ARHGEF28: variants seen among roughly 807,000 people sequenced by gnomAD.
The protein encoded by ARHGEF28 is 190 kDa guanine nucleotide exchange factor.
ARHGEF28 carries 152 observed loss-of-function variants against 206.6 expected under a neutral mutation model. The observed-to-expected ratio is 0.74, with a 90% CI of 0.64 to 0.84. ARHGEF28 has a LOEUF of 0.84. Among genes scored for constraint, ARHGEF28 ranks in the 40% least tolerant of loss-of-function variants. The pLI, the probability that ARHGEF28 is intolerant of heterozygous loss-of-function variation, is 0.00. For missense variants in ARHGEF28, 2,028 were observed against 2,073.2 expected (o/e 0.98, Z 0.42); for synonymous variants, 763 against 776.4 (o/e 0.98, Z 0.29).
intron 7 of ARHGEF28, among the ~76,000 whole-genome samples, chr5:73,781,392 C>T (rs1753836375): frequency 6.6e-6 from 1 of 152,202 alleles, no homozygotes; most frequent in African/African-American, 2.4e-5. Flanking sequence ...TATTCCACAA[C>T]ATGCCACATG....
At chr5:73,657,172 C>CAA (rs76970237) in intron 1 of ARHGEF28, among the ~76,000 whole-genome samples, 18 of 94,528 alleles carry the variant, frequency 1.9e-4, no homozygotes, top group East Asian at 3.1e-4. Flanking sequence ...GACTCCGTCC[C>CAA]AAAAAAAAAA....
At chr5:73,916,399 C>T (rs6886094) in intron 35 of ARHGEF28, among the ~76,000 whole-genome samples, 5 of 152,140 alleles carry the variant, frequency 3.3e-5, no homozygotes, top group Non-Finnish European at 7.4e-5. Context: ...TAACAAAGTA[C>T]CACAGGCTAG....
intron 9 of ARHGEF28, among the ~76,000 whole-genome samples, chr5:73,802,205 G>T (rs943255157): frequency 5.3e-5 from 8 of 151,548 alleles, no homozygotes; most frequent in African/African-American, 1.7e-4. Flanking sequence ...TTCAATTTAT[G>T]AGATGATTAA....
At chr5:73,930,903 G>A (rs963276763) in intron 35 of ARHGEF28, among the ~76,000 whole-genome samples, 3 of 152,084 alleles carry the variant, frequency 2.0e-5, no homozygotes, top group African/African-American at 2.4e-5. Context: ...CCTGCTCTGC[G>A]TGGTCACCCA....
chr5:73,839,118 C>T (rs977576790), intron 10 of ARHGEF28, among the ~76,000 whole-genome samples: 18 of 152,144 alleles, frequency 1.2e-4, no homozygotes, highest in East Asian at 1.9e-4. Flanking sequence ...AGGAATACTA[C>T]GGAAGTGATG....
intron 2 of ARHGEF28, among the ~76,000 whole-genome samples, chr5:73,737,207 C>G (rs1750996198): frequency 6.6e-6 from 1 of 152,166 alleles, no homozygotes; most frequent in Non-Finnish European, 1.5e-5. Context: ...GCCTCCCTCT[C>G]CCCTCCTCCT....
intron 2 of ARHGEF28, among the ~76,000 whole-genome samples, chr5:73,719,397 G>C (rs1249719916): frequency 3.4e-5 from 5 of 147,914 alleles, no homozygotes; most frequent in Admixed American, 6.7e-5. Flanking sequence ...GGCGACAGAG[G>C]GAGACTCCGT....
At chr5:73,818,559 A>G (rs568315611) in intron 9 of ARHGEF28, among the ~76,000 whole-genome samples, 1 of 152,306 alleles carries the variant, frequency 6.6e-6, no homozygotes, top group East Asian at 1.9e-4. Context: ...TAAAGGTGAC[A>G]TAACCTGCTA....
Position 73,819,687 on chromosome 5 carries a change from T to C in ARHGEF28, c.1025-12651T>C, listed in dbSNP as rs112173814. Among the ~76,000 whole-genome samples the C allele has an allele frequency of 1.2e-3, 187 of 152,318 alleles. 2 individuals are homozygous for C. The highest frequency in any genetic ancestry group is 4.3e-3 in the African/African-American group (177 of 41,584). Reference sequence around the variant, plus strand: ...CTGCCTGTGTTCTGGGCCCTTGTTGTTGCCCAGGTTCCTGCCTCTCAAGGC... The same window carrying C: ...CTGCCTGTGTTCTGGGCCCTTGTTGCTGCCCAGGTTCCTGCCTCTCAAGGC... On this transcript the variant is annotated intron_variant, in intron 9 of 35. Transcript: ENST00000513042.
intron 29 of ARHGEF28, among the ~76,000 whole-genome samples, chr5:73,895,929 T>C (rs1761936982): frequency 6.6e-6 from 1 of 152,082 alleles, no homozygotes; most frequent in African/African-American, 2.4e-5. Flanking sequence ...GAAACTGAGG[T>C]CTTGAGAAGG....
At chr5:73,898,142 A>G in intron 30 of ARHGEF28, 49 bp downstream of exon 30, 1 of 1,591,804 alleles carries the variant, frequency 6.3e-7, no homozygotes, top group Non-Finnish European at 8.6e-7. Context: ...CAGTCCCTGG[A>G]GCTTACAGTG....
At chr5:73,637,763 A>G (rs1430913326) in intron 1 of ARHGEF28, among the ~76,000 whole-genome samples, 4 of 152,226 alleles carry the variant, frequency 2.6e-5, no homozygotes, top group African/African-American at 9.6e-5. Flanking sequence ...AGAAGCTTAG[A>G]GGTAGCTCTT....
chr5:73,737,514 T>TTTCTTTTCTTTTCTTTTC (rs1322457975), intron 2 of ARHGEF28, among the ~76,000 whole-genome samples: 1 of 140,726 alleles, frequency 7.1e-6, no homozygotes, highest in Non-Finnish European at 1.5e-5. Context: ...TTTCTTTTCT[T>TTTCTTTTCTTTTCTTTTC]TTCTTTTCTT....
intron 2 of ARHGEF28, among the ~76,000 whole-genome samples, chr5:73,735,757 C>T (rs1750887847): frequency 6.6e-6 from 1 of 152,212 alleles, no homozygotes; most frequent in Admixed American, 6.5e-5. Context: ...ATGGCCTCTG[C>T]CTTCATGTCC....
chr5:73,840,184 G>T (rs775176524), intron 10 of ARHGEF28, among the ~76,000 whole-genome samples: 5 of 152,070 alleles, frequency 3.3e-5, no homozygotes, highest in Non-Finnish European at 5.9e-5. Context: ...TGGCGCAATC[G>T]CTACTCATTG....
At chr5:73,772,225 G>C (rs113788809) in intron 4 of ARHGEF28, among the ~76,000 whole-genome samples, 1 of 152,192 alleles carries the variant, frequency 6.6e-6, no homozygotes, top group East Asian at 1.9e-4. Context: ...GGCTTCCCAA[G>C]TATCATCATT....
chr5:73,768,110 A>G (rs141426953), intron 4 of ARHGEF28, among the ~76,000 whole-genome samples: 79 of 152,340 alleles, frequency 5.2e-4, no homozygotes, highest in African/African-American at 1.5e-3. Flanking sequence ...CAAAGAATGT[A>G]TGGAAATGCC....
chr5:73,629,292 G>C (rs2112110953), intron 1 of ARHGEF28, among the ~76,000 whole-genome samples: 1 of 152,104 alleles, frequency 6.6e-6, no homozygotes, highest in East Asian at 1.9e-4. Flanking sequence ...GAGCCCAGGA[G>C]TTCAAGACCA....
intron 2 of ARHGEF28, among the ~76,000 whole-genome samples, chr5:73,741,379 GTGTGTGTATATATATATATATATA>G (rs1407321874): frequency 8.5e-4 from 32 of 37,634 alleles, no homozygotes; most frequent in East Asian, 1.1e-3. Flanking sequence ...GTGTGTGTGT[GTGTGTGTATATATATATATATATA>G]TATATATATA....
Sources: allele counts gnomAD v4.1 joint callset (sites outside exome capture counted in the v4.1 genomes callset), GRCh38; gene constraint gnomAD v4.1.1; transcripts MANE v1.5; gene names NCBI Gene and HGNC (gene_info 2026-07-23, HGNC 2026-07-21).